FMN1: variants seen among roughly 807,000 people sequenced by gnomAD.
FMN1 encodes formin 1.
Under a neutral mutation model 132.4 loss-of-function variants are expected in FMN1, and 110 were observed. The observed-to-expected ratio is 0.83, with a 90% confidence interval of 0.71 to 0.97. The LOEUF is 0.97. Ranked by LOEUF, FMN1 falls within the 50% of genes least tolerant of loss-of-function variation. The pLI, the probability that FMN1 is intolerant of heterozygous loss-of-function variation, is 0.00. For synonymous variants in FMN1, 722 were observed against 651.7 expected (o/e 1.11, Z -1.64); for missense variants, 1,792 against 1,705.3 (o/e 1.05, Z -0.90).
chr15:32,957,941 T>C (rs1406211312), intron 9 of FMN1, among the ~76,000 whole-genome samples: 2 of 152,172 alleles, frequency 1.3e-5, no homozygotes, highest in Non-Finnish European at 2.9e-5. Flanking sequence ...ATGTTTGTCG[T>C]GGCAGAGTGG....
At chr15:33,146,836 G>A (rs958329458) in intron 4 of FMN1, among the ~76,000 whole-genome samples, 3 of 152,128 alleles carry the variant, frequency 2.0e-5, no homozygotes, top group Non-Finnish European at 2.9e-5. Flanking sequence ...GGGTGGGGCC[G>A]CAGTGGTATC....
At chr15:32,992,355 T>C (rs1046455044) in intron 7 of FMN1, among the ~76,000 whole-genome samples, 2 of 152,210 alleles carry the variant, frequency 1.3e-5, no homozygotes, top group African/African-American at 4.8e-5. Flanking sequence ...ATTATAATAA[T>C]CACAGATTTT....
intron 6 of FMN1, among the ~76,000 whole-genome samples, chr15:33,059,624 A>G (rs1249202530): frequency 6.6e-6 from 1 of 152,232 alleles, no homozygotes; most frequent in African/African-American, 2.4e-5. Flanking sequence ...GACTATCTTT[A>G]TCTCCAAATT....
At chr15:32,911,985 T>C (rs920367806) in intron 10 of FMN1, among the ~76,000 whole-genome samples, 1 of 152,162 alleles carries the variant, frequency 6.6e-6, no homozygotes, top group African/African-American at 2.4e-5. Flanking sequence ...AAAACCAAAA[T>C]AGCCAGAAAC....
intron 20 of FMN1, among the ~76,000 whole-genome samples, chr15:32,776,312 A>C (rs1258737): frequency 0.98 from 149,161 of 152,246 alleles, 73,139 homozygotes; most frequent in Middle Eastern, 1. Context: ...AATCTCACAT[A>C]TAGGAAGGCT....
At chr15:33,133,549 C>G (rs1311517072) in intron 4 of FMN1, among the ~76,000 whole-genome samples, 2 of 152,204 alleles carry the variant, frequency 1.3e-5, no homozygotes, top group East Asian at 1.9e-4. Flanking sequence ...AGGAAAGTCA[C>G]TCTCTGGAAC....
chr15:32,935,599 C>T (rs112171974), intron 9 of FMN1, among the ~76,000 whole-genome samples: 3,018 of 151,910 alleles, frequency 0.02, 42 homozygotes, highest in African/African-American at 0.036. Flanking sequence ...ATCTGCTTGA[C>T]GGTGTTCCAT....
chr15:32,848,350 G>A (rs1416615740), intron 17 of FMN1, among the ~76,000 whole-genome samples: 7 of 63,880 alleles, frequency 1.1e-4, no homozygotes, highest in African/African-American at 1.3e-4. Flanking sequence ...GTGTGTGCGT[G>A]CACACGTGTG....
intron 4 of FMN1, among the ~76,000 whole-genome samples, chr15:33,125,861 G>GT (rs1963012321): frequency 6.6e-6 from 1 of 152,144 alleles, no homozygotes; most frequent in Non-Finnish European, 1.5e-5. Context: ...ATCTCTAAAT[G>GT]TTTAACTTCT....
At chr15:32,871,411 CA>C (rs915823605) in intron 16 of FMN1, among the ~76,000 whole-genome samples, 11 of 152,108 alleles carry the variant, frequency 7.2e-5, no homozygotes, top group African/African-American at 9.7e-5. Context: ...ATATCATGCA[CA>C]CATTCTCCTG....
chr15:32,872,602 CTT>C (rs1240535571), intron 16 of FMN1, among the ~76,000 whole-genome samples: 3 of 152,240 alleles, frequency 2.0e-5, no homozygotes, highest in Admixed American at 1.3e-4. Flanking sequence ...GCCTGAGCCT[CTT>C]TATGAATCAA....
chr15:33,054,301 C>T (rs748468377), intron 6 of FMN1, among the ~76,000 whole-genome samples: 14 of 152,324 alleles, frequency 9.2e-5, no homozygotes, highest in Non-Finnish European at 1.6e-4. Context: ...TCTGCTTACA[C>T]TCCACCATCT....
intron 2 of FMN1, among the ~76,000 whole-genome samples, chr15:33,189,661 G>A (rs561414624): frequency 7.2e-5 from 11 of 152,222 alleles, no homozygotes; most frequent in Non-Finnish European, 1.0e-4. Flanking sequence ...ATTGAGAGCC[G>A]GCCCCGTAAG....
chr15:33,097,036 G>A (rs1413313556), intron 4 of FMN1, among the ~76,000 whole-genome samples: 2 of 152,064 alleles, frequency 1.3e-5, no homozygotes, highest in African/African-American at 2.4e-5. Flanking sequence ...GCTCATGCCT[G>A]TAATCCCAGC....
intron 4 of FMN1, among the ~76,000 whole-genome samples, chr15:33,099,635 T>C (rs1003041944): frequency 2.6e-4 from 40 of 152,302 alleles, no homozygotes; most frequent in African/African-American, 9.4e-4. Flanking sequence ...AAATAAAGCA[T>C]TTGTAAATCA....
chr15:32,772,792 G>A lies in FMN1; in HGVS notation c.*1518C>T, dbSNP rs559578632. On this transcript the variant is annotated 3_prime_UTR_variant, in exon 21 of 21. Coordinates refer to ENST00000616417, the MANE Select transcript of FMN1 (RefSeq NM_001277313.2). The stretch of plus-strand genomic sequence containing the variant: ...AGGATATGGTGCTGCTTTCATTACT[G>A]GATCTATTATAGAAGCATTCCTGAG... 1 of 152,200 alleles carries A rather than the reference G, an allele frequency of 6.6e-6. No individual in the cohort carries two copies. The allele number at this position is 152,200 out of a possible 1,614,324, so 9.4% of individuals were successfully genotyped here. A position where few individuals can be genotyped will look rare whatever the true frequency, so the allele number is the denominator to read the frequency against.
At chr15:32,826,862 C>T (rs538757285) in intron 17 of FMN1, among the ~76,000 whole-genome samples, 1 of 152,200 alleles carries the variant, frequency 6.6e-6, no homozygotes, top group Non-Finnish European at 1.5e-5. Flanking sequence ...CTTTCCAAAG[C>T]TACTCATTCT....
chr15:32,987,073 C>T (rs1196165826), intron 7 of FMN1, among the ~76,000 whole-genome samples: 1 of 151,980 alleles, frequency 6.6e-6, no homozygotes, highest in East Asian at 1.9e-4. Flanking sequence ...TTCTCCCAGG[C>T]AATTTTTCTA....
At chr15:32,991,122 C>T (rs1350441454) in intron 7 of FMN1, among the ~76,000 whole-genome samples, 1 of 152,112 alleles carries the variant, frequency 6.6e-6, no homozygotes, top group African/African-American at 2.4e-5. Flanking sequence ...AAGGCCAAAC[C>T]TAACAACCAA....
Sources: allele counts gnomAD v4.1 joint callset (sites outside exome capture counted in the v4.1 genomes callset), GRCh38; gene constraint gnomAD v4.1.1; transcripts MANE v1.5; gene names NCBI Gene and HGNC (gene_info 2026-07-23, HGNC 2026-07-21).